Variants in PADI1 observed in about 807,000 individuals in gnomAD.
The protein encoded by PADI1 is peptidyl arginine deiminase 1.
Under a neutral mutation model 74.8 loss-of-function variants are expected in PADI1, and 65 were observed. The observed-to-expected ratio is 0.87, with a 90% CI of 0.71 to 1.07. PADI1 has a LOEUF of 1.07. Ranked by LOEUF, PADI1 falls within the 50% of genes least tolerant of loss-of-function variation. The pLI is 0.00. For missense variants in PADI1, 943 were observed against 854.0 expected (o/e 1.10, Z -1.30); for synonymous variants, 371 against 336.2 (o/e 1.10, Z -1.13).
chr1:17,213,716 G>A (rs188596660), intron 1 of PADI1, among the ~76,000 whole-genome samples: 302 of 152,256 alleles, frequency 2.0e-3, no homozygotes, highest in African/African-American at 7.0e-3. Flanking sequence ...TGAAAATGCA[G>A]GCTCTTTCCC....
In PADI1 at chr1:17,230,629, G is replaced by C. The variant is rs2072463880; in HGVS notation, c.1111G>C (p.Asp371His). 2 of 1,613,108 alleles carry C rather than the reference G, an allele frequency of 1.2e-6. No homozygotes were observed. The highest frequency in any genetic ancestry group is 2.7e-5 in the African/African-American group (2 of 74,894). ...TCACAAATCCTTCCCCGTGGTCTTT[G>C]ACTCCCCCAGGAACAGGGGCCTGAA... ...APHKSFPVVF[D>H]SPRNRGLKDF... Residue 371 changes from aspartate to histidine, a missense_variant, in exon 10 of 16, where the codon GAC becomes CAC. Asp to His is a moderately conservative substitution (Grantham distance 81). Coordinates refer to ENST00000375471, the MANE Select transcript of PADI1 (RefSeq NM_013358.3).
chr1:17,214,547 C>G (rs2071922670), intron 1 of PADI1, among the ~76,000 whole-genome samples: 1 of 152,152 alleles, frequency 6.6e-6, no homozygotes, highest in South Asian at 2.1e-4. Flanking sequence ...CATTTGGGGA[C>G]ATGCCAGTAC....
At chr1:17,210,715 C>A (rs1207927679) in intron 1 of PADI1, among the ~76,000 whole-genome samples, 1 of 152,188 alleles carries the variant, frequency 6.6e-6, no homozygotes, top group African/African-American at 2.4e-5. Context: ...CCTGAGCCTG[C>A]TGAGGGGTCT....
chr1:17,217,083 G>A (rs1215320038), intron 1 of PADI1, among the ~76,000 whole-genome samples: 1 of 151,696 alleles, frequency 6.6e-6, no homozygotes, highest in Non-Finnish European at 1.5e-5. Context: ...AGGGGAGGCT[G>A]AGCCCTAAGC....
At chr1:17,237,607 C>CA in intron 12 of PADI1, 149 bp downstream of exon 12, 1 of 612,844 alleles carries the variant, frequency 1.6e-6, no homozygotes, top group Non-Finnish European at 2.6e-6. Flanking sequence ...CACCCTGACA[C>CA]GCTCATCCTC....
chr1:17,226,196 TC>T, intron 6 of PADI1, 38 bp downstream of exon 6: 1 of 1,600,948 alleles, frequency 6.2e-7, no homozygotes, highest in Non-Finnish European at 8.5e-7. Flanking sequence ...CCCAGCTCCA[TC>T]CATATCTATC....
chr1:17,215,739 C>T (rs959697259), intron 1 of PADI1, among the ~76,000 whole-genome samples: 2 of 152,176 alleles, frequency 1.3e-5, no homozygotes, highest in African/African-American at 4.8e-5. Context: ...TTGTCCAGAA[C>T]GCGTTGATTG....
At chr1:17,226,576 C>T (rs942085759) in intron 6 of PADI1, among the ~76,000 whole-genome samples, 1 of 152,140 alleles carries the variant, frequency 6.6e-6, no homozygotes, top group Non-Finnish European at 1.5e-5. Flanking sequence ...TGCCTCTGGC[C>T]CCAGAACCTG....
At chr1:17,231,303 C>A (rs1212464446) in intron 10 of PADI1, among the ~76,000 whole-genome samples, 1 of 152,136 alleles carries the variant, frequency 6.6e-6, no homozygotes, top group Admixed American at 6.5e-5. Flanking sequence ...GTAACTTGCC[C>A]CAGGCCATGC....
intron 13 of PADI1, among the ~76,000 whole-genome samples, chr1:17,238,951 TC>T (rs2072715765): frequency 6.6e-6 from 1 of 152,212 alleles, no homozygotes; most frequent in Non-Finnish European, 1.5e-5. Context: ...GTTCTTGTTC[TC>T]ACTCCCCTTT....
At chr1:17,217,155 G>A (rs924608882) in intron 1 of PADI1, among the ~76,000 whole-genome samples, 7 of 152,076 alleles carry the variant, frequency 4.6e-5, no homozygotes, top group South Asian at 2.1e-4. Context: ...GCCCGTTGCC[G>A]ATGGTGCCTA....
intron 2 of PADI1, among the ~76,000 whole-genome samples, chr1:17,222,774 C>T (rs981642435): frequency 5.3e-5 from 8 of 152,218 alleles, no homozygotes; most frequent in South Asian, 2.1e-4. Flanking sequence ...AGCCCACACA[C>T]GGACCCAGCA....
chr1:17,205,176 G>A lies in PADI1; in HGVS notation c.-42G>A, dbSNP rs368720247. 8.5e-6 allele frequency: 13 copies of A among 1,537,646 alleles called. No individual in the cohort carries two copies. Among genetic ancestry groups the A allele is most frequent in the Non-Finnish European group, 1.2e-5 (13 of 1,111,736 alleles). ...AAGAAGTGCCCAGGACGGGAGCTGG[G>A]GAGCCAGGGCTGATCTAGGAGGCTG... On this transcript the variant is annotated 5_prime_UTR_variant, in exon 1 of 16. Transcript: ENST00000375471.
rs143077686 is a variant in PADI1, at chr1:17,229,016, C to T, written c.894C>T (p.Pro298=). Residue 298 remains proline, a synonymous_variant, in exon 8 of 16, where the codon CCC becomes CCT. Transcript: ENST00000375471. ...GFRMAPWIMT[P]NTQPPEELYV... ...GCATGGCCCCCTGGATCATGACGCC[C>T]AACACTCAGCCTCCTGAGGAGCTGT... 18 of 1,584,212 alleles carry T rather than the reference C, an allele frequency of 1.1e-5. No homozygotes were observed. In the African/African-American group the frequency reaches 1.9e-4, roughly 17 times the overall value.
chr1:17,241,161 G>A (rs1400525247), intron 15 of PADI1, among the ~76,000 whole-genome samples: 4 of 152,304 alleles, frequency 2.6e-5, no homozygotes, highest in African/African-American at 4.8e-5. Context: ...ACAGCCCCTC[G>A]CTTGCTGCTC....
At chr1:17,227,003 G>C (rs950768580) in intron 6 of PADI1, among the ~76,000 whole-genome samples, 6 of 151,326 alleles carry the variant, frequency 4.0e-5, no homozygotes, top group African/African-American at 1.5e-4. Flanking sequence ...CTGCACTCCA[G>C]CCTGGGCGAC....
Position 17,237,399 on chromosome 1 carries a change from T to C in PADI1, c.1399T>C (p.Trp467Arg), listed in dbSNP as rs746156826. 1 of 1,613,828 alleles carries C rather than the reference T, an allele frequency of 6.2e-7. No individual in the cohort carries two copies. The highest frequency in any genetic ancestry group is 8.5e-7 in the Non-Finnish European group (1 of 1,179,832). Residue 467 changes from tryptophan (W) to arginine (R), a missense_variant, in exon 12 of 16, where the codon TGG (tryptophan) becomes CGG (arginine). Physicochemically the swap from Trp to Arg is moderately radical, Grantham distance 101. Transcript: ENST00000375471. ...VQAPVELYSD[W>R]LSVGHVDEFL... is the part of the protein sequence containing the mutation. ...GGCACCCGTGGAGCTCTACTCGGAC[T>C]GGCTCTCTGTGGGCCATGTGGACGA...
At chr1:17,232,778 C>T (rs1354122633) in intron 10 of PADI1, 41 bp from the exon 11 acceptor site, 1 of 1,582,794 alleles carries the variant, frequency 6.3e-7, no homozygotes, top group African/African-American at 1.3e-5. Flanking sequence ...CCTCACTGAC[C>T]TCTCCTTCTT....
At chr1:17,225,668 A>G (rs1440147799) in intron 4 of PADI1, 143 bp from the exon 5 acceptor site, 1 of 664,288 alleles carries the variant, frequency 1.5e-6, no homozygotes, top group Admixed American at 2.6e-5. Flanking sequence ...CCATTCCCCA[A>G]ATAATCCTTT....
Sources: allele counts gnomAD v4.1 joint callset (sites outside exome capture counted in the v4.1 genomes callset), GRCh38; gene constraint gnomAD v4.1.1; transcripts MANE v1.5; gene names NCBI Gene and HGNC (gene_info 2026-07-23, HGNC 2026-07-21).